Variants in NRG1 observed in about 807,000 individuals in gnomAD.
NRG1 encodes the protein pro-neuregulin-1, membrane-bound isoform.
NRG1 carries 18 observed loss-of-function variants against 63.8 expected under a neutral mutation model. The ratio of observed to expected loss-of-function variants is 0.28; its 90% CI spans 0.19 to 0.42. The LOEUF is 0.42. NRG1 is among the 10% of genes least tolerant of loss of function. The pLI, the probability that NRG1 is intolerant of heterozygous loss-of-function variation, is 1.00. For missense variants in NRG1, 762 were observed against 814.7 expected, an observed-to-expected ratio of 0.94 and a Z score of 0.79; for synonymous variants, 302 against 301.3, an observed-to-expected ratio of 1.00 and a Z score of -0.02.
In NRG1 at chr8:31,754,102, A is replaced by G. The variant is rs118078887; in HGVS notation, c.37+114671A>G. On this transcript the variant is annotated intron_variant, in intron 1 of 10. Coordinates refer to the NRG1 transcript ENST00000519301. ...CAGAGAACTTAAAATTTCCTTGATC[A>G]ATGTTAACCTGCTGTTGCAGCCAAT... Among the ~76,000 whole-genome samples, 586 of 152,202 alleles carry G rather than the reference A, an allele frequency of 3.9e-3. 1 individual carries two copies. The highest frequency in any genetic ancestry group is 0.02 in the Middle Eastern group (6 of 294).
At chr8:32,420,190 C>T (rs1409219090) in intron 1 of NRG1, among the ~76,000 whole-genome samples, 1 of 152,130 alleles carries the variant, frequency 6.6e-6, no homozygotes, top group Non-Finnish European at 1.5e-5. Context: ...AAGCCAAGTG[C>T]GTACAGCTCC....
At position 31,765,076 on chromosome 8, in the gene NRG1, AT is replaced by A. The variant is rs369413731; in HGVS notation, c.37+125650del. ...ATTGTTATATTTATTATACCTAAAT[AT>A]TTTTATTTTTTGAGTGATTATAAGT... On this transcript the variant is annotated intron_variant, in intron 1 of 10. Coordinates refer to the NRG1 transcript ENST00000519301. 9.5e-3 allele frequency among the ~76,000 whole-genome samples: 1,439 copies of A among 151,980 alleles called. 22 individuals are homozygous for A. The highest frequency in any genetic ancestry group is 0.033 in the African/African-American group (1,369 of 41,442).
intron 1 of NRG1, among the ~76,000 whole-genome samples, chr8:32,059,270 C>T (rs111833843): frequency 1.3e-5 from 2 of 151,836 alleles, no homozygotes; most frequent in African/African-American, 4.8e-5. Context: ...TCTATTTGGT[C>T]TGCTTTCCCC....
At chr8:32,316,073 A>G (rs1308678216) in intron 1 of NRG1, among the ~76,000 whole-genome samples, 1 of 152,186 alleles carries the variant, frequency 6.6e-6, no homozygotes, top group Non-Finnish European at 1.5e-5. Flanking sequence ...AAGAAAAACA[A>G]ACAAATAAGA....
intron 1 of NRG1, among the ~76,000 whole-genome samples, chr8:31,666,906 G>C (rs916243951): frequency 5.3e-5 from 8 of 152,192 alleles, no homozygotes; most frequent in African/African-American, 1.9e-4. Flanking sequence ...CACTTATTAT[G>C]TGCCAAATAG....
At chr8:31,913,123 C>T (rs1833083089) in intron 1 of NRG1, among the ~76,000 whole-genome samples, 1 of 152,094 alleles carries the variant, frequency 6.6e-6, no homozygotes, top group Non-Finnish European at 1.5e-5. Flanking sequence ...AAGTTAATTT[C>T]TCAGTTTGCT....
chr8:32,102,623 C>G (rs931231774), intron 1 of NRG1, among the ~76,000 whole-genome samples: 5 of 152,180 alleles, frequency 3.3e-5, no homozygotes, highest in African/African-American at 1.2e-4. Flanking sequence ...TATCTCTGTG[C>G]TCCCTGTTAG....
chr8:32,154,250 A>C (rs950586209), intron 1 of NRG1, among the ~76,000 whole-genome samples: 12 of 151,762 alleles, frequency 7.9e-5, no homozygotes, highest in African/African-American at 2.4e-5. Flanking sequence ...CTACCTCTTC[A>C]TTTTTCCTTT....
At chr8:31,980,149 C>G (rs547493287) in intron 1 of NRG1, among the ~76,000 whole-genome samples, 1 of 151,974 alleles carries the variant, frequency 6.6e-6, no homozygotes. Context: ...ACATTTTTAA[C>G]CACTGTGCTC....
At chr8:32,548,581 G>GA in exon 1 of NRG1, 1 of 1,309,410 alleles carries the variant, frequency 7.6e-7, no homozygotes, top group East Asian at 3.2e-5. Context: ...GGCAACGGGA[G>GA]ACGCCCCCGC....
At chr8:32,056,049 A>G (rs565459495) in intron 1 of NRG1, among the ~76,000 whole-genome samples, 1 of 152,078 alleles carries the variant, frequency 6.6e-6, no homozygotes, top group South Asian at 2.1e-4. Flanking sequence ...CAATTCACAG[A>G]CTCCTCTCCC....
intron 5 of NRG1, among the ~76,000 whole-genome samples, chr8:32,664,752 T>C (rs1401067615): frequency 2.0e-5 from 3 of 152,106 alleles, no homozygotes; most frequent in South Asian, 4.1e-4. Flanking sequence ...ACTGAACTAA[T>C]TGAATGCGGA....
chr8:32,356,482 C>CCCCCCCCCCCCG (rs1554517234), intron 1 of NRG1, among the ~76,000 whole-genome samples: 1 of 131,672 alleles, frequency 7.6e-6, no homozygotes, highest in Non-Finnish European at 1.6e-5. Flanking sequence ...GGACCCCCCC[C>CCCCCCCCCCCCG]CCACCCGCCG....
chr8:32,606,096 TTA>T (rs953787097), intron 3 of NRG1, among the ~76,000 whole-genome samples: 1 of 145,970 alleles, frequency 6.9e-6, no homozygotes, highest in African/African-American at 2.7e-5. Flanking sequence ...ATATTATGTA[TTA>T]TATATGCGTT....
chr8:32,348,825 G>A (rs530746127), intron 1 of NRG1, among the ~76,000 whole-genome samples: 1 of 152,138 alleles, frequency 6.6e-6, no homozygotes, highest in East Asian at 1.9e-4. Flanking sequence ...AACAAATCCA[G>A]TTCATATGGT....
chr8:32,393,459 A>G lies in NRG1; in HGVS notation c.38-202369A>G, dbSNP rs78397950. 6.3e-3 allele frequency among the ~76,000 whole-genome samples: 964 copies of G among 152,274 alleles called. 12 individuals are homozygous for G. The highest frequency in any genetic ancestry group is 0.022 in the African/African-American group (924 of 41,568). ...TTATGTTCATTGCAGCACTGTTCACAATCTAAAAGACATGAAATCAACCTA... is the reference window on the plus strand; with the variant it reads ...TTATGTTCATTGCAGCACTGTTCACGATCTAAAAGACATGAAATCAACCTA... On this transcript the variant is annotated intron_variant, in intron 1 of 10. Transcript: ENST00000519301.
intron 1 of NRG1, among the ~76,000 whole-genome samples, chr8:31,939,902 C>A (rs980263713): frequency 6.6e-6 from 1 of 151,998 alleles, no homozygotes; most frequent in South Asian, 2.1e-4. Flanking sequence ...AACACTGGAG[C>A]ACCCAAATTT....
chr8:32,771,706 T>TGAAAAAAAAAA (rs1554673046), downstream of NRG1, among the ~76,000 whole-genome samples: 2 of 80,234 alleles, frequency 2.5e-5, no homozygotes, highest in African/African-American at 9.1e-5. Context: ...TCCATTTCTT[T>TGAAAAAAAAAA]AAAAAAAAAA....
chr8:32,662,470 G>A (rs1803117740), intron 5 of NRG1, among the ~76,000 whole-genome samples: 1 of 152,142 alleles, frequency 6.6e-6, no homozygotes, highest in Admixed American at 6.5e-5. Flanking sequence ...AAAGAGATGA[G>A]GAATTATTGC....
Sources: allele counts gnomAD v4.1 joint callset (sites outside exome capture counted in the v4.1 genomes callset), GRCh38; gene constraint gnomAD v4.1.1; transcripts MANE v1.5; gene names NCBI Gene and HGNC (gene_info 2026-07-23, HGNC 2026-07-21).